The following ANKRD17 variants were observed in gnomAD, a reference collection of about 807,000 sequenced individuals.
ANKRD17 encodes the protein ankyrin repeat domain-containing protein 17.
A neutral mutation model predicts 229.7 loss-of-function variants in ANKRD17; 19 were observed. That is an observed-to-expected ratio of 0.08 (90% CI 0.06 to 0.12). The LOEUF is 0.12. Ranked by LOEUF, ANKRD17 falls within the 10% of genes least tolerant of loss-of-function variation. The probability of loss-of-function intolerance (pLI) is 1.00; values close to 1 mark genes in which losing one functional copy is unlikely to be tolerated. For missense variants in ANKRD17, 2,176 were observed against 3,176.8 expected (o/e 0.68, Z 7.57); for synonymous variants, 1,112 against 1,146.1 (o/e 0.97, Z 0.60).
chr4:73,099,764 C>T (rs2148598527), intron 25 of ANKRD17, among the ~76,000 whole-genome samples: 1 of 152,304 alleles, frequency 6.6e-6, no homozygotes, highest in Non-Finnish European at 1.5e-5. Context: ...TGGACAGTCC[C>T]CTTTGGCTAC....
At chr4:73,149,083 G>T in intron 7 of ANKRD17, 33 bp from the exon 8 acceptor site, 1 of 1,570,350 alleles carries the variant, frequency 6.4e-7, no homozygotes, top group South Asian at 1.2e-5. Flanking sequence ...AATTAAATCA[G>T]CACCATTAAA....
rs538981565 is a variant in ANKRD17, at chr4:73,108,643, T to C, written c.4401+5149A>G. 2.6e-5 allele frequency among the ~76,000 whole-genome samples: 4 copies of C among 152,140 alleles called. No homozygotes were observed. The South Asian group carries it at 6.2e-4, about 24-fold the overall frequency. ...GAGAAGTAACCATTGGATTTAGCTA[T>C]ATGAAAGTTACTGGAAACCACAAAA... is the stretch of plus-strand genomic sequence containing the variant. On this transcript the variant is annotated intron_variant, in intron 24 of 33. Transcript: ENST00000358602.
chr4:73,102,601 A>T (rs1174294814), intron 24 of ANKRD17, 54 bp from the exon 25 acceptor site: 29 of 1,554,532 alleles, frequency 1.9e-5, no homozygotes, highest in Non-Finnish European at 2.2e-5. Flanking sequence ...CCTGGAGAAG[A>T]AGTTGTCACA....
At chr4:73,133,597 T>C (rs1728521523) in intron 16 of ANKRD17, among the ~76,000 whole-genome samples, 2 of 152,188 alleles carry the variant, frequency 1.3e-5, no homozygotes, top group African/African-American at 4.8e-5. Context: ...TTTCACCATG[T>C]TGGCCAGGCT....
In ANKRD17 at chr4:73,142,246, T is replaced by C; in HGVS notation, c.2225A>G (p.Asn742Ser). 3 of 1,546,398 alleles carry C rather than the reference T, an allele frequency of 1.9e-6. No homozygotes were observed. Among genetic ancestry groups the C allele is most frequent in the Non-Finnish European group, 2.6e-6 (3 of 1,157,890 alleles). ...TQLTPPSHDL[N>S]RAPRVPVQAL... ...CTTTAATTTTTAAAATCTTACCCTA[T>C]TTAAATCGTGGGATGGGGGAGTTAA... Residue 742 changes from asparagine to serine, a missense_variant, in exon 13 of 34, where the codon AAT (asparagine) becomes AGT (serine). Coordinates refer to ENST00000358602, the MANE Select transcript of ANKRD17 (RefSeq NM_032217.5).
In ANKRD17 at chr4:73,193,915, G is replaced by C. The variant is rs527394699; in HGVS notation, c.394-16382C>G. 2.0e-5 allele frequency among the ~76,000 whole-genome samples: 3 copies of C among 152,250 alleles called. No individual in the cohort carries two copies. In the East Asian group the frequency reaches 5.8e-4, roughly 29 times the overall value. ...ACACTGCACTCTAGCCTGGGTGACA[G>C]AGTGAAACCTTGTCTCAAAAACAAC... On this transcript the variant is annotated intron_variant, in intron 1 of 33. Coordinates refer to ENST00000358602, the MANE Select transcript of ANKRD17 (RefSeq NM_032217.5).
intron 27 of ANKRD17, among the ~76,000 whole-genome samples, chr4:73,095,600 C>T (rs1466038917): frequency 7.5e-6 from 1 of 134,130 alleles, no homozygotes; most frequent in Non-Finnish European, 1.6e-5. Context: ...AAAACTCCAT[C>T]TCAAAAAAAA....
At chr4:73,157,618 G>A (rs933249947) in intron 3 of ANKRD17, among the ~76,000 whole-genome samples, 1 of 151,746 alleles carries the variant, frequency 6.6e-6, no homozygotes, top group Admixed American at 6.6e-5. Flanking sequence ...AGATACTAAA[G>A]GCACCTACAG....
At position 73,078,878 on chromosome 4, in the gene ANKRD17, T is replaced by A; in HGVS notation, c.7172A>T (p.Gln2391Leu). The A allele has an allele frequency of 6.2e-7, 1 of 1,613,552 alleles. No homozygotes were observed. Among genetic ancestry groups the A allele is most frequent in the Non-Finnish European group, 8.5e-7 (1 of 1,179,800 alleles). The change falls in exon 31 of 34, where the codon CAG (glutamine) becomes CTG (leucine). Residue 2391 changes from glutamine (Q) to leucine (L), a missense_variant. By Grantham distance (113) the Gln-to-Leu change is moderately radical. Transcript: ENST00000358602. ...CSSASNDSSA[Q>L]SVSSGVRAPS... The stretch of plus-strand genomic sequence containing the variant: ...TGCACGAACTCCCGAGGATACTGAC[T>A]GTGCAGAAGAATCTAGAGAAGAGAT...
intron 1 of ANKRD17, among the ~76,000 whole-genome samples, chr4:73,257,005 C>G (rs555249043): frequency 6.7e-4 from 102 of 152,278 alleles, no homozygotes; most frequent in African/African-American, 2.3e-3. Context: ...CAACAGAGAC[C>G]AGGATTCAAT....
rs759805850 is a variant in ANKRD17, at chr4:73,077,482, G to A, written c.7460C>T (p.Pro2487Leu). 14 of 1,612,980 alleles carry A rather than the reference G, an allele frequency of 8.7e-6. No homozygotes were observed. Among genetic ancestry groups the A allele is most frequent in the Admixed American group, 5.0e-5 (3 of 59,856 alleles). ...PGMGNPMIHR[P>L]MSDPGVFSQH... is the part of the protein sequence containing the mutation. ...TGAAAATACTCCTGGGTCAGACATC[G>A]GTCTGTGGATCATAGGATTTCCCAT... Residue 2487 changes from proline (P) to leucine (L), a missense_variant, in exon 32 of 34, where the codon CCG (proline) becomes CTG (leucine). This residue lies in a region of ANKRD17 where 159 missense variants were observed against 214.3 expected (regional missense o/e 0.74). Transcript: ENST00000358602.
rs1035587988 is a variant in ANKRD17 at position 73,141,793 on chromosome 4, C to T, written c.2280G>A (p.Glu760=). The T allele has an allele frequency of 1.2e-6, 2 of 1,613,810 alleles. No homozygotes were observed. The highest frequency in any genetic ancestry group is 2.7e-5 in the African/African-American group (2 of 74,868). The change falls in exon 14 of 34, where the codon GAG becomes GAA. Residue 760 remains glutamate (E), a synonymous_variant. Coordinates refer to ENST00000358602, the MANE Select transcript of ANKRD17 (RefSeq NM_032217.5). ...QALPMVVPPQ[E]PDKPPANVAT... is the part of the protein sequence containing the mutation. ...CAACATTGGCAGGTGGTTTGTCAGG[C>T]TCCTGAGGTGGAACAACCATGGGCA...
chr4:73,112,533 T>G, intron 24 of ANKRD17: 2 of 384,542 alleles, frequency 5.2e-6, no homozygotes, highest in Non-Finnish European at 7.1e-6. Context: ...ACCACAAATT[T>G]TTAAAAATGA....
At chr4:73,099,176 A>G (rs1723651440) in intron 25 of ANKRD17, 2 of 662,802 alleles carry the variant, frequency 3.0e-6, no homozygotes, top group Admixed American at 2.1e-5. Context: ...TCACTGAAGG[A>G]GCAGCTTCCT....
At chr4:73,159,587 TA>T (rs1416968909) in intron 3 of ANKRD17, among the ~76,000 whole-genome samples, 13 of 152,334 alleles carry the variant, frequency 8.5e-5, no homozygotes, top group Non-Finnish European at 1.2e-4. Flanking sequence ...AAATATGTTC[TA>T]TTTTTTTTGC....
At chr4:73,208,626 T>C (rs1421195972) in intron 1 of ANKRD17, among the ~76,000 whole-genome samples, 1 of 152,164 alleles carries the variant, frequency 6.6e-6, no homozygotes, top group Non-Finnish European at 1.5e-5. Context: ...CCTTAGGCAT[T>C]AGAGATCAAT....
intron 1 of ANKRD17, among the ~76,000 whole-genome samples, chr4:73,250,601 A>AAAAAAAAAAAAAAAAAAAAAAAAAAAAAC (rs1744918294): frequency 6.7e-6 from 1 of 148,574 alleles, no homozygotes; most frequent in African/African-American, 2.5e-5. Flanking sequence ...AAAAAAAAAA[A>AAAAAAAAAAAAAAAAAAAAAAAAAAAAAC]AAAAAAAAAA....
In ANKRD17 at chr4:73,120,282, C is replaced by A. The variant is rs933287090; in HGVS notation, c.3905G>T (p.Arg1302Leu). 2 of 1,614,056 alleles carry A rather than the reference C, an allele frequency of 1.2e-6. No individual in the cohort carries two copies. Among genetic ancestry groups the A allele is most frequent in the Non-Finnish European group, 1.7e-6 (2 of 1,179,984 alleles). The change falls in exon 21 of 34, where the codon CGA becomes CTA. Residue 1302 changes from arginine (R) to leucine (L), a missense_variant. This residue lies in a region of ANKRD17 where 178 missense variants were observed against 421.7 expected (regional missense o/e 0.42). Transcript: ENST00000358602. ...AASGGYAEVG[R>L]VLLDKGADVN... ...ATCAGCACCTTTATCCAAAAGAACT[C>A]GGCCCACCTCCGCATATCCACCAGA...
At chr4:73,213,270 T>C (rs1371531538) in intron 1 of ANKRD17, among the ~76,000 whole-genome samples, 1 of 152,062 alleles carries the variant, frequency 6.6e-6, no homozygotes, top group East Asian at 1.9e-4. Flanking sequence ...TAAACACTAG[T>C]TAGATGAATA....
Sources: gnomAD v4.1 joint callset for allele counts (sites outside exome capture counted in the v4.1 genomes callset) on GRCh38, gnomAD v4.1.1 for gene constraint, gnomAD v4.1.1 regional missense constraint, MANE v1.5 for transcripts, NCBI Gene and HGNC (gene_info 2026-07-23, HGNC 2026-07-21) for gene names.